The following MDGA2 variants were observed in gnomAD, a reference collection of about 807,000 sequenced individuals.
MDGA2 encodes MAM domain containing glycosylphosphatidylinositol anchor 2.
A neutral mutation model predicts 117.8 loss-of-function variants in MDGA2; 40 were observed. The observed-to-expected ratio is 0.34, with a 90% CI of 0.26 to 0.44. The LOEUF (loss-of-function observed/expected upper bound fraction) is 0.44. MDGA2 is among the 20% of genes least tolerant of loss of function. MDGA2 has a pLI of 1.00. For missense variants in MDGA2, 1,123 were observed against 1,250.6 expected, an observed-to-expected ratio of 0.90 and a Z score of 1.54; for synonymous variants, 452 against 439.0, an observed-to-expected ratio of 1.03 and a Z score of -0.37.
intron 6 of MDGA2, among the ~76,000 whole-genome samples, chr14:47,076,999 A>G (rs1328408871): frequency 6.6e-6 from 1 of 152,148 alleles, no homozygotes; most frequent in Non-Finnish European, 1.5e-5. Context: ...GCTTTGCAGC[A>G]AAGTTAAAAC....
chr14:46,909,493 T>C (rs1332963037), intron 10 of MDGA2, among the ~76,000 whole-genome samples: 1 of 152,100 alleles, frequency 6.6e-6, no homozygotes, highest in Non-Finnish European at 1.5e-5. Flanking sequence ...GCCTGGTACC[T>C]GCATCAACAT....
At chr14:47,627,731 G>T (rs1303834087) in intron 1 of MDGA2, among the ~76,000 whole-genome samples, 4 of 152,108 alleles carry the variant, frequency 2.6e-5, no homozygotes, top group Admixed American at 6.5e-5. Context: ...AACCCGCTGG[G>T]GTCCCCTTCC....
At chr14:47,440,039 A>C (rs2138545149) in intron 1 of MDGA2, among the ~76,000 whole-genome samples, 1 of 152,078 alleles carries the variant, frequency 6.6e-6, no homozygotes. Context: ...GCTAGTGCCA[A>C]GATTCTCAGC....
At chr14:47,238,930 A>C (rs537517676) in intron 2 of MDGA2, among the ~76,000 whole-genome samples, 1 of 151,854 alleles carries the variant, frequency 6.6e-6, no homozygotes, top group African/African-American at 2.4e-5. Context: ...AAGAGGTAGA[A>C]AGTTTAAAAT....
chr14:47,626,586 G>C (rs1308188850), intron 1 of MDGA2: 1 of 152,354 alleles, frequency 6.6e-6, no homozygotes, highest in Non-Finnish European at 1.5e-5. Flanking sequence ...CGGGGGCTGC[G>C]CCCGGCGCTT....
chr14:47,381,326 C>T (rs1008795787), intron 1 of MDGA2, among the ~76,000 whole-genome samples: 11 of 152,184 alleles, frequency 7.2e-5, no homozygotes, highest in Non-Finnish European at 1.2e-4. Flanking sequence ...TCTCTCACCA[C>T]TCCTATTCAA....
At chr14:47,378,581 A>G (rs1315815484) in intron 1 of MDGA2, among the ~76,000 whole-genome samples, 4 of 152,220 alleles carry the variant, frequency 2.6e-5, no homozygotes, top group African/African-American at 7.2e-5. Context: ...CACAAGCTTC[A>G]GTAGCCGATT....
intron 3 of MDGA2, among the ~76,000 whole-genome samples, chr14:47,192,341 C>T (rs568569785): frequency 4.5e-4 from 68 of 152,192 alleles, no homozygotes; most frequent in African/African-American, 1.6e-3. Flanking sequence ...TGGGGCCGAA[C>T]GAGGTGACTC....
intron 1 of MDGA2, among the ~76,000 whole-genome samples, chr14:47,528,045 A>G (rs1384288219): frequency 1.3e-5 from 2 of 152,242 alleles, no homozygotes; most frequent in East Asian, 3.8e-4. Context: ...TTTAGATGTT[A>G]TAATATGTAA....
At chr14:46,883,871 C>G (rs1445593155) in intron 10 of MDGA2, among the ~76,000 whole-genome samples, 1 of 151,940 alleles carries the variant, frequency 6.6e-6, no homozygotes, top group African/African-American at 2.4e-5. Context: ...ATATATATGA[C>G]AAATACAGTC....
intron 8 of MDGA2, among the ~76,000 whole-genome samples, chr14:46,996,165 G>A (rs1240295912): frequency 6.6e-6 from 1 of 152,094 alleles, no homozygotes; most frequent in Admixed American, 6.6e-5. Context: ...TATTGTCTAA[G>A]TTTTGCCATT....
intron 14 of MDGA2, among the ~76,000 whole-genome samples, chr14:46,868,815 T>C (rs957968640): frequency 6.6e-6 from 1 of 152,028 alleles, no homozygotes; most frequent in African/African-American, 2.4e-5. Context: ...TCTTTGAACA[T>C]GTACCTCTGT....
intron 1 of MDGA2, among the ~76,000 whole-genome samples, chr14:47,518,088 G>A (rs1894792540): frequency 6.6e-6 from 1 of 152,022 alleles, no homozygotes; most frequent in Non-Finnish European, 1.5e-5. Context: ...GAGTGAAGAG[G>A]TATGGGTGTG....
At chr14:47,620,823 C>T (rs1397595935) in intron 1 of MDGA2, among the ~76,000 whole-genome samples, 1 of 152,098 alleles carries the variant, frequency 6.6e-6, no homozygotes, top group Non-Finnish European at 1.5e-5. Flanking sequence ...CTGTGTTCAC[C>T]GTGACTGGGT....
intron 3 of MDGA2, among the ~76,000 whole-genome samples, chr14:47,198,583 T>C (rs1038896363): frequency 2.6e-5 from 4 of 151,982 alleles, no homozygotes; most frequent in Admixed American, 6.6e-5. Context: ...AAAAAAAAAA[T>C]TGATAAAATG....
intron 1 of MDGA2, among the ~76,000 whole-genome samples, chr14:47,548,219 G>C (rs1173757705): frequency 6.6e-6 from 1 of 152,046 alleles, no homozygotes; most frequent in Non-Finnish European, 1.5e-5. Flanking sequence ...CTTTAGTTTG[G>C]TGAACATATG....
chr14:47,328,915 C>A (rs1418938618), intron 1 of MDGA2, among the ~76,000 whole-genome samples: 4 of 152,066 alleles, frequency 2.6e-5, no homozygotes, highest in African/African-American at 9.7e-5. Context: ...AGAATCATAG[C>A]AACATTTGGT....
intron 1 of MDGA2, among the ~76,000 whole-genome samples, chr14:47,398,159 T>C (rs1348175312): frequency 6.6e-6 from 1 of 152,198 alleles, no homozygotes; most frequent in East Asian, 1.9e-4. Context: ...TCTACCATGA[T>C]ACTATACGGC....
At position 47,232,233 on chromosome 14, in the gene MDGA2, T is replaced by C. The variant is rs528882227; in HGVS notation, c.421-14038A>G. ...GTTTTTGTTGGTGCAAATCACAGTATACATAGTCAAGAAACAGATCCAACA... is the reference window on the plus strand; with the variant it reads ...GTTTTTGTTGGTGCAAATCACAGTACACATAGTCAAGAAACAGATCCAACA... On this transcript the variant is annotated intron_variant, in intron 2 of 16. Transcript: ENST00000399232. Among the ~76,000 whole-genome samples the C allele has an allele frequency of 3.9e-5, 6 of 152,198 alleles. 1 individual carries two copies. The South Asian group carries it at 1.2e-3, about 32-fold the overall frequency.
Sources: allele counts gnomAD v4.1 joint callset (sites outside exome capture counted in the v4.1 genomes callset), GRCh38; gene constraint gnomAD v4.1.1; transcripts MANE v1.5; gene names NCBI Gene and HGNC (gene_info 2026-07-23, HGNC 2026-07-21).